The following DYNC1I2 variants were observed in gnomAD, a reference collection of about 807,000 sequenced individuals.
The protein encoded by DYNC1I2 is dynein cytoplasmic 1 intermediate chain 2.
DYNC1I2 carries 53 observed loss-of-function variants against 88.6 expected under a neutral mutation model. That is an observed-to-expected ratio of 0.60 (90% CI 0.48 to 0.75). DYNC1I2 has a LOEUF of 0.75. Ranked by LOEUF, DYNC1I2 falls within the 30% of genes least tolerant of loss-of-function variation. DYNC1I2 has a pLI of 0.00. For missense variants in DYNC1I2, 458 were observed against 766.6 expected, an observed-to-expected ratio of 0.60 and a Z score of 4.75; for synonymous variants, 198 against 254.6, an observed-to-expected ratio of 0.78 and a Z score of 2.12.
intron 3 of DYNC1I2, among the ~76,000 whole-genome samples, chr2:171,698,666 G>A (rs537895822): frequency 1.3e-5 from 2 of 151,792 alleles, no homozygotes; most frequent in South Asian, 2.1e-4. Flanking sequence ...TCAGGAGATC[G>A]AGACCATCCT....
At chr2:171,738,355 AG>A (rs1259869363) in intron 15 of DYNC1I2, among the ~76,000 whole-genome samples, 1 of 152,134 alleles carries the variant, frequency 6.6e-6, no homozygotes, top group Non-Finnish European at 1.5e-5. Flanking sequence ...AAAGAAAAAA[AG>A]ATACTCATTT....
At chr2:171,693,810 A>G (rs1171321646) in intron 3 of DYNC1I2, among the ~76,000 whole-genome samples, 1 of 152,242 alleles carries the variant, frequency 6.6e-6, no homozygotes, top group Non-Finnish European at 1.5e-5. Flanking sequence ...ACTGAAGTAT[A>G]TTAATTTTAT....
chr2:171,699,303 T>C (rs1470290494), intron 3 of DYNC1I2, among the ~76,000 whole-genome samples: 1 of 151,930 alleles, frequency 6.6e-6, no homozygotes, highest in Non-Finnish European at 1.5e-5. Context: ...TGAGACTCCG[T>C]CTCAAAAAAA....
At chr2:171,717,357 C>T (rs995987660) in intron 7 of DYNC1I2, among the ~76,000 whole-genome samples, 5 of 152,022 alleles carry the variant, frequency 3.3e-5, no homozygotes, top group African/African-American at 1.2e-4. Context: ...TCAGGTGATC[C>T]ACCCACCTCG....
intron 5 of DYNC1I2, among the ~76,000 whole-genome samples, chr2:171,710,122 T>TACACAC (rs55862813): frequency 0.037 from 5,294 of 144,308 alleles, 226 homozygotes; most frequent in East Asian, 0.23. Context: ...TATGTATATA[T>TACACAC]ACACACACAC....
chr2:171,738,446 C>CTCTG (rs1559405590), intron 15 of DYNC1I2, among the ~76,000 whole-genome samples: 2 of 152,154 alleles, frequency 1.3e-5, no homozygotes, highest in East Asian at 3.8e-4. Context: ...TATTCATTCT[C>CTCTG]TCTGCTGTAT....
intron 1 of DYNC1I2, among the ~76,000 whole-genome samples, chr2:171,689,389 G>A (rs1413062056): frequency 6.6e-6 from 1 of 152,162 alleles, no homozygotes; most frequent in Non-Finnish European, 1.5e-5. Context: ...GAACTTACAG[G>A]AAAGTTCAGT....
At chr2:171,702,448 C>A (rs1306908872) in intron 3 of DYNC1I2, among the ~76,000 whole-genome samples, 4 of 152,094 alleles carry the variant, frequency 2.6e-5, no homozygotes, top group African/African-American at 9.7e-5. Flanking sequence ...ATACAGGATA[C>A]GGATGAAGGC....
intron 3 of DYNC1I2, among the ~76,000 whole-genome samples, chr2:171,694,858 C>T (rs1019325286): frequency 8.6e-5 from 13 of 151,980 alleles, no homozygotes; most frequent in African/African-American, 2.4e-4. Flanking sequence ...GTGAGGGATC[C>T]GCCTCCATGA....
chr2:171,697,845 C>G (rs1437513979), intron 3 of DYNC1I2, among the ~76,000 whole-genome samples: 1 of 136,284 alleles, frequency 7.3e-6, no homozygotes. Context: ...CACAGCAAGA[C>G]CCTATCTCAA....
chr2:171,739,520 C>T (rs1689248541), intron 15 of DYNC1I2, among the ~76,000 whole-genome samples: 1 of 151,850 alleles, frequency 6.6e-6, no homozygotes, highest in South Asian at 2.1e-4. Flanking sequence ...TTATGTATTT[C>T]TAAAAAATAA....
intron 7 of DYNC1I2, among the ~76,000 whole-genome samples, chr2:171,723,978 T>A (rs1688070550): frequency 6.6e-6 from 1 of 152,212 alleles, no homozygotes; most frequent in South Asian, 2.1e-4. Context: ...AGACAGTGAT[T>A]ACTGTTTTCC....
In DYNC1I2 at chr2:171,747,988, A is replaced by G; in HGVS notation, c.*99A>G. The G allele has an allele frequency of 1.3e-6, 1 of 790,404 alleles. No individual in the cohort carries two copies. The highest frequency in any genetic ancestry group is 1.8e-5 in the African/African-American group (1 of 56,366). 49.0% of individuals were successfully genotyped at this position (790,404 alleles called of 1,614,324 possible). On this transcript the variant is annotated 3_prime_UTR_variant, in exon 18 of 18. Coordinates refer to ENST00000397119, the MANE Select transcript of DYNC1I2 (RefSeq NM_001378.3). The stretch of plus-strand genomic sequence containing the variant: ...TCTGTCTAAATGATAATTAAAAGGA[A>G]ATTTCATGGATTAAACCATGGGTTT...
At chr2:171,696,387 A>G (rs781628304) in intron 3 of DYNC1I2, among the ~76,000 whole-genome samples, 4 of 152,226 alleles carry the variant, frequency 2.6e-5, no homozygotes, top group Non-Finnish European at 5.9e-5. Flanking sequence ...ACTGCTAGGT[A>G]TAATGCAAAT....
intron 7 of DYNC1I2, among the ~76,000 whole-genome samples, chr2:171,721,759 A>C (rs545037001): frequency 9.8e-5 from 15 of 152,302 alleles, no homozygotes; most frequent in Non-Finnish European, 2.1e-4. Context: ...ATATTAAGTT[A>C]TCTTAAAATG....
chr2:171,717,863 A>G (rs955505452), intron 7 of DYNC1I2, among the ~76,000 whole-genome samples: 2 of 152,064 alleles, frequency 1.3e-5, no homozygotes, highest in African/African-American at 2.4e-5. Flanking sequence ...TACTGGTACA[A>G]TGCATCTTGG....
At chr2:171,713,644 C>T (rs1009888788) in intron 6 of DYNC1I2, among the ~76,000 whole-genome samples, 1 of 152,048 alleles carries the variant, frequency 6.6e-6, no homozygotes, top group Non-Finnish European at 1.5e-5. Flanking sequence ...GATTCTAATG[C>T]AAATTATAAA....
intron 17 of DYNC1I2, among the ~76,000 whole-genome samples, chr2:171,746,353 G>T (rs146580786): frequency 6.6e-6 from 1 of 152,288 alleles, no homozygotes; most frequent in Non-Finnish European, 1.5e-5. Flanking sequence ...TATGCAATGT[G>T]CATCTTGACT....
At chr2:171,715,222 A>G in intron 6 of DYNC1I2, 106 bp from the exon 7 acceptor site, 1 of 617,542 alleles carries the variant, frequency 1.6e-6, no homozygotes, top group Non-Finnish European at 2.7e-6. Context: ...AATAAAATGG[A>G]TTGAAATTAC....
Sources: gnomAD v4.1 joint callset for allele counts (sites outside exome capture counted in the v4.1 genomes callset) on GRCh38, gnomAD v4.1.1 for gene constraint, MANE v1.5 for transcripts, NCBI Gene and HGNC (gene_info 2026-07-23, HGNC 2026-07-21) for gene names.